Variants in MALRD1 observed in about 807,000 individuals in gnomAD.
MALRD1 encodes the protein MAM and LDL receptor class A domain containing 1.
In MALRD1, 247 loss-of-function variants were observed where a neutral mutation model predicts 242.1. The ratio of observed to expected loss-of-function variants is 1.02; its 90% CI spans 0.92 to 1.13. The LOEUF (loss-of-function observed/expected upper bound fraction) is 1.13, where lower values mean the gene tolerates loss of function less well. Ranked by LOEUF, MALRD1 falls within the 50% of genes most tolerant of loss-of-function variation. MALRD1 has a pLI of 0.00. For synonymous variants in MALRD1, 995 were observed against 866.6 expected (o/e 1.15, Z -2.60); for missense variants, 2,989 against 2,533.1 (o/e 1.18, Z -3.86).
intron 18 of MALRD1, among the ~76,000 whole-genome samples, chr10:19,244,702 G>A (rs1292268773): frequency 1.3e-5 from 2 of 152,156 alleles, no homozygotes; most frequent in African/African-American, 2.4e-5. Context: ...ACACAGCAAC[G>A]TGCAACGTGC....
At chr10:19,639,034 AAG>A (rs1327941399) in intron 36 of MALRD1, among the ~76,000 whole-genome samples, 1 of 152,176 alleles carries the variant, frequency 6.6e-6, no homozygotes, top group African/African-American at 2.4e-5. Context: ...AGAGCTCCCT[AAG>A]AAAGAAAACC....
intron 29 of MALRD1, among the ~76,000 whole-genome samples, chr10:19,478,190 G>T (rs1012591938): frequency 6.6e-6 from 1 of 152,112 alleles, no homozygotes; most frequent in Admixed American, 6.5e-5. Flanking sequence ...TCCTTACTGC[G>T]CATTATTGTT....
At chr10:19,165,228 C>T (rs57020628) in intron 12 of MALRD1, among the ~76,000 whole-genome samples, 1 of 83,728 alleles carries the variant, frequency 1.2e-5, no homozygotes, top group African/African-American at 7.3e-5. Flanking sequence ...ATATTTAACA[C>T]AGAAGTTGTT....
At chr10:19,482,311 A>G (rs565388079) in intron 29 of MALRD1, among the ~76,000 whole-genome samples, 1 of 152,188 alleles carries the variant, frequency 6.6e-6, no homozygotes, top group East Asian at 1.9e-4. Flanking sequence ...TCCAAAGATA[A>G]TTTATCAACA....
chr10:19,369,536 A>G (rs1338710054), intron 26 of MALRD1, among the ~76,000 whole-genome samples: 1 of 149,244 alleles, frequency 6.7e-6, no homozygotes, highest in Non-Finnish European at 1.5e-5. Flanking sequence ...ATGTAAATAC[A>G]CAAATATTTA....
chr10:19,656,765 G>A (rs189472771), intron 36 of MALRD1, among the ~76,000 whole-genome samples: 113 of 152,210 alleles, frequency 7.4e-4, no homozygotes, highest in Non-Finnish European at 1.2e-3. Context: ...TCATTAGGGT[G>A]TCTATCAGCT....
intron 35 of MALRD1, among the ~76,000 whole-genome samples, chr10:19,612,093 T>C (rs1838926967): frequency 6.6e-6 from 1 of 152,040 alleles, no homozygotes; most frequent in South Asian, 2.1e-4. Flanking sequence ...TCAGACACTC[T>C]TCTCATGTTT....
At chr10:19,105,384 T>C (rs544289777) in intron 5 of MALRD1, among the ~76,000 whole-genome samples, 1 of 152,192 alleles carries the variant, frequency 6.6e-6, no homozygotes, top group East Asian at 1.9e-4. Flanking sequence ...ATTGCATGTA[T>C]GTTACCACAT....
intron 38 of MALRD1, among the ~76,000 whole-genome samples, chr10:19,729,552 ATGTGTG>A (rs374304298): frequency 1.4e-5 from 2 of 141,988 alleles, no homozygotes; most frequent in Non-Finnish European, 3.1e-5. Context: ...ATCCTTTCTT[ATGTGTG>A]TGTGTGTGTA....
intron 26 of MALRD1, among the ~76,000 whole-genome samples, chr10:19,376,194 G>A (rs923981538): frequency 1.3e-5 from 2 of 152,196 alleles, no homozygotes; most frequent in African/African-American, 2.4e-5. Flanking sequence ...ACTATTTAAA[G>A]AAGATCTTTC....
chr10:19,156,706 A>G (rs1370650277), intron 12 of MALRD1, among the ~76,000 whole-genome samples: 1 of 152,164 alleles, frequency 6.6e-6, no homozygotes, highest in Non-Finnish European at 1.5e-5. Context: ...AATCATATGC[A>G]TGTATATGAT....
chr10:19,671,447 A>G (rs1244258089), intron 36 of MALRD1, among the ~76,000 whole-genome samples: 1 of 152,060 alleles, frequency 6.6e-6, no homozygotes, highest in Non-Finnish European at 1.5e-5. Flanking sequence ...GCAAAACCTC[A>G]TCTCTACTAA....
chr10:19,505,341 G>A (rs1264858608), intron 31 of MALRD1, among the ~76,000 whole-genome samples: 1 of 152,124 alleles, frequency 6.6e-6, no homozygotes, highest in African/African-American at 2.4e-5. Flanking sequence ...TCTTTAAGTA[G>A]GTGATTAATG....
In MALRD1 at chr10:19,489,477, A is replaced by G. The variant is rs1837386791; in HGVS notation, c.5030-2040A>G. 1.4e-5 allele frequency: 8 copies of G among 570,854 alleles called. 1 individual carries two copies. Among genetic ancestry groups the G allele is most frequent in the Admixed American group, 1.2e-4 (6 of 48,936 alleles). 35.4% of individuals were successfully genotyped at this position (570,854 alleles called of 1,614,324 possible). ...ATCCAGGGGAATATTTTTATCAACC[A>G]TTTTGTAAATGCAAGTTGTTTAGTA... is the stretch of plus-strand genomic sequence containing the variant. On this transcript the variant is annotated intron_variant, in intron 29 of 39. Transcript: ENST00000454679.
At position 19,725,980 on chromosome 10, in the gene MALRD1, A is replaced by G. The variant is rs927201734; in HGVS notation, c.6315-4726A>G. On this transcript the variant is annotated intron_variant, in intron 38 of 39. Coordinates refer to ENST00000454679, the MANE Select transcript of MALRD1 (RefSeq NM_001142308.3). ...TCAAGGAGCTACATGTAAGAGCAAAAGCCATAATGCATTTAAAAGAAAACA... is the reference window on the plus strand; with the variant it reads ...TCAAGGAGCTACATGTAAGAGCAAAGGCCATAATGCATTTAAAAGAAAACA... Among the ~76,000 whole-genome samples the G allele has an allele frequency of 2.0e-5, 3 of 152,196 alleles. 1 individual carries two copies. Among genetic ancestry groups the G allele is most frequent in the South Asian group, 4.1e-4 (2 of 4,830 alleles).
intron 36 of MALRD1, among the ~76,000 whole-genome samples, chr10:19,666,029 G>A (rs1841670266): frequency 6.6e-6 from 1 of 152,030 alleles, no homozygotes; most frequent in Non-Finnish European, 1.5e-5. Flanking sequence ...GGAGATAGGT[G>A]TCCTCTTCAT....
Position 19,352,254 on chromosome 10 carries a change from C to T in MALRD1, c.4398C>T (p.Leu1466=), listed in dbSNP as rs1457855626. The T allele has an allele frequency of 1.9e-6, 3 of 1,550,306 alleles. No homozygotes were observed. Among genetic ancestry groups the T allele is most frequent in the South Asian group, 1.2e-5 (1 of 84,054 alleles). The part of the protein sequence containing the change: ...DIVLTENCLS[L]HDSVQEELAV... ...TGCTTACAGAAAATTGTCTATCACT[C>T]CATGATTCCGTGCAAGAAGAACTGG... The change falls in exon 26 of 40, where the codon CTC becomes CTT. Residue 1466 remains leucine, a synonymous_variant. Transcript: ENST00000454679.
intron 36 of MALRD1, among the ~76,000 whole-genome samples, chr10:19,646,373 G>T (rs79079738): frequency 0.014 from 2,136 of 152,322 alleles, 44 homozygotes; most frequent in African/African-American, 0.049. Flanking sequence ...GGAGGCCGAG[G>T]GGGGCAGATC....
chr10:19,077,014 C>G (rs67494199), intron 2 of MALRD1, among the ~76,000 whole-genome samples: 9,758 of 151,876 alleles, frequency 0.064, 478 homozygotes, highest in East Asian at 0.27. Flanking sequence ...TTGATTTTTA[C>G]TCATTAAAGT....
Sources: allele counts gnomAD v4.1 joint callset (sites outside exome capture counted in the v4.1 genomes callset), GRCh38; gene constraint gnomAD v4.1.1; transcripts MANE v1.5; gene names NCBI Gene and HGNC (gene_info 2026-07-23, HGNC 2026-07-21).